Variants in PLXNB2 observed in about 807,000 individuals in gnomAD.
The protein encoded by PLXNB2 is plexin-B2.
In PLXNB2, 85 loss-of-function variants were observed where a neutral mutation model predicts 202.6. The ratio of observed to expected loss-of-function variants is 0.42; its 90% CI spans 0.35 to 0.50. The LOEUF is 0.50. Ranked by LOEUF, PLXNB2 falls within the 20% of genes least tolerant of loss-of-function variation. The pLI, the probability that PLXNB2 is intolerant of heterozygous loss-of-function variation, is 0.02. For synonymous variants in PLXNB2, 1,239 were observed against 1,137.6 expected, an observed-to-expected ratio of 1.09 and a Z score of -1.79; for missense variants, 2,063 against 2,586.2, an observed-to-expected ratio of 0.80 and a Z score of 4.39.
At position 50,290,423 on chromosome 22, in the gene PLXNB2, G is replaced by A. The variant is rs769359214; in HGVS notation, c.162C>T (p.Leu54=). 1.2e-6 allele frequency: 2 copies of A among 1,612,990 alleles called. No individual in the cohort carries two copies. The highest frequency in any genetic ancestry group is 1.7e-6 in the Non-Finnish European group (2 of 1,180,010). ...GCTGCAGCTTCGCATCCAGCTGGTA[G>A]AGGGCATTCACCGCCCCCAGGTACA... The part of the protein sequence containing the change: ...GVVYLGAVNA[L]YQLDAKLQLE... The change falls in exon 3 of 37, where the codon CTC becomes CTT. Residue 54 remains leucine (L), a synonymous_variant. Coordinates refer to ENST00000359337, the MANE Select transcript of PLXNB2 (RefSeq NM_012401.4).
In PLXNB2 at chr22:50,292,591, AC is replaced by A. The variant is rs969757302; in HGVS notation, c.-13-1995del. Among the ~76,000 whole-genome samples the A allele has an allele frequency of 2.5e-4, 38 of 151,298 alleles. 1 individual carries two copies. Among genetic ancestry groups the A allele is most frequent in the Non-Finnish European group, 4.4e-5 (3 of 67,838 alleles). ...ACTGTGTTTCTCCACCCTTTTGACAACCCCCCAAACCCCCTGGCCTCTGTCC... is the reference window on the plus strand; with the variant it reads ...ACTGTGTTTCTCCACCCTTTTGACAACCCCCAAACCCCCTGGCCTCTGTCC... On this transcript the variant is annotated intron_variant, in intron 2 of 36. Transcript: ENST00000359337.
chr22:50,303,763 G>A (rs1385034456), intron 1 of PLXNB2, among the ~76,000 whole-genome samples: 1 of 152,188 alleles, frequency 6.6e-6, no homozygotes, highest in Non-Finnish European at 1.5e-5. Flanking sequence ...CAGGAGCCCA[G>A]TCCCTGCCTC....
intron 1 of PLXNB2, among the ~76,000 whole-genome samples, chr22:50,301,800 C>T (rs569336448): frequency 5.3e-5 from 8 of 152,336 alleles, no homozygotes; most frequent in Non-Finnish European, 7.3e-5. Context: ...AGCCTGTCAG[C>T]GCCTCAGCGG....
intron 1 of PLXNB2, among the ~76,000 whole-genome samples, chr22:50,304,527 G>C (rs923944369): frequency 6.6e-6 from 1 of 152,022 alleles, no homozygotes; most frequent in East Asian, 1.9e-4. Flanking sequence ...CAATCCAGGG[G>C]TATGGGAAGA....
In PLXNB2 at chr22:50,276,698, G is replaced by A. The variant is rs200642960; in HGVS notation, c.5268C>T (p.Tyr1756=). 342 of 1,613,424 alleles carry A rather than the reference G, an allele frequency of 2.1e-4. No homozygotes were observed. In the African/African-American group the frequency reaches 3.4e-3, roughly 16 times the overall value. ...CCTGCACCATCTGCCGGATCCCCTT[G>A]TAGTAACTGCAGGGGTGGGAGCATC... ...STYKKMVEDY[Y]KGIRQMVQVS... Residue 1756 remains tyrosine, a synonymous_variant, in exon 35 of 37, where the codon TAC becomes TAT. Coordinates refer to ENST00000359337, the MANE Select transcript of PLXNB2 (RefSeq NM_012401.4).
chr22:50,277,496 C>T, intron 33 of PLXNB2, 95 bp downstream of exon 33: 1 of 1,299,614 alleles, frequency 7.7e-7, no homozygotes, highest in Non-Finnish European at 1.0e-6. Flanking sequence ...CCAAGATATT[C>T]AAATCCACAC....
rs558614301 is a variant in PLXNB2 at position 50,275,495 on chromosome 22, G to A, written c.*209C>T. On this transcript the variant is annotated 3_prime_UTR_variant, in exon 37 of 37. Transcript: ENST00000359337. ...TGCGGCCGGAGGGAGCTGGGGCTGG[G>A]GCTGGTGCTGGTGCGGTGCCCGGCG... The A allele has an allele frequency of 5.7e-5, 38 of 670,720 alleles. No individual in the cohort carries two copies. The highest frequency in any genetic ancestry group is 5.6e-4 in the South Asian group (37 of 66,056). The allele number at this position is 670,720 out of a possible 1,614,324, so 41.5% of individuals were successfully genotyped here.
intron 1 of PLXNB2, among the ~76,000 whole-genome samples, chr22:50,295,919 T>C (rs1222076100): frequency 6.6e-6 from 1 of 151,964 alleles, no homozygotes; most frequent in Non-Finnish European, 1.5e-5. Context: ...CTGACCAACA[T>C]GGTGAAACCC....
At position 50,284,465 on chromosome 22, in the gene PLXNB2, C is replaced by T. The variant is rs2066270002; in HGVS notation, c.2181+108G>A. 3 of 888,342 alleles carry T rather than the reference C, an allele frequency of 3.4e-6. No individual in the cohort carries two copies. The highest frequency in any genetic ancestry group is 5.3e-6 in the Non-Finnish European group (3 of 561,832). The allele number at this position is 888,342 out of a possible 1,614,324, so 55.0% of individuals were successfully genotyped here. A position where few individuals can be genotyped will look rare whatever the true frequency, so the allele number is the denominator to read the frequency against. ...GGCGAGCCCCTGGCTGGGCTCTGGTCCCTGGGGTCTCCCTGCTGCCCCTCC... is the reference window on the plus strand; with the variant it reads ...GGCGAGCCCCTGGCTGGGCTCTGGTTCCTGGGGTCTCCCTGCTGCCCCTCC... On this transcript the variant is annotated intron_variant, in intron 12 of 36. Coordinates refer to ENST00000359337, the MANE Select transcript of PLXNB2 (RefSeq NM_012401.4). This position sits in a 1 kb window ranked among gnomAD's most constrained non-coding sequence, Gnocchi z 8.0.
At chr22:50,304,175 C>G (rs2067803785) in intron 1 of PLXNB2, among the ~76,000 whole-genome samples, 1 of 152,194 alleles carries the variant, frequency 6.6e-6, no homozygotes, top group Non-Finnish European at 1.5e-5. Flanking sequence ...CCAGGCTCCT[C>G]CCCAGACAGA....
At chr22:50,301,935 G>A (rs1057043103) in intron 1 of PLXNB2, among the ~76,000 whole-genome samples, 1 of 152,264 alleles carries the variant, frequency 6.6e-6, no homozygotes, top group Non-Finnish European at 1.5e-5. Flanking sequence ...ACATGGCTGG[G>A]TGCTGCCGGA....
Position 50,283,397 on chromosome 22 carries a change from GA to G in PLXNB2, c.2618del (p.Val873AlafsTer41). ...EAAETPFTGG[V>X]EVDVFGKLGR... ...CCAGTTTCCCGAAGACGTCCACCTC[GA>G]CACCCCCCGTGAAAGGCGTCTCCGC... is the stretch of plus-strand genomic sequence containing the variant. On this transcript the variant is annotated frameshift_variant, in exon 16 of 37. Coordinates refer to ENST00000359337, the MANE Select transcript of PLXNB2 (RefSeq NM_012401.4). LOFTEE classifies it high-confidence loss of function. 6.2e-7 allele frequency: 1 copy of G among 1,613,158 alleles called. No individual in the cohort carries two copies. The highest frequency in any genetic ancestry group is 8.5e-7 in the Non-Finnish European group (1 of 1,179,920).
Position 50,282,480 on chromosome 22 carries a change from T to C in PLXNB2, c.2988-167A>G. ...CGGTGGGACGTGCTGAGCACGAGAC[T>C]GTGCCGCAAGTGGGCGGGGGGCACA... On this transcript the variant is annotated intron_variant, in intron 18 of 36. Transcript: ENST00000359337. 3 of 766,608 alleles carry C rather than the reference T, an allele frequency of 3.9e-6. No homozygotes were observed. In the South Asian group the frequency reaches 5.6e-5, roughly 14 times the overall value. 47.5% of individuals were successfully genotyped at this position (766,608 alleles called of 1,614,324 possible).
Position 50,284,924 on chromosome 22 carries a change from C to T in PLXNB2, c.2089-259G>A, listed in dbSNP as rs979940940. ...ACCACTCATCCACACCTGAGAACAT[C>T]GCCCGGCCCACCTGACATCGTGGCC... On this transcript the variant is annotated intron_variant, in intron 11 of 36. Transcript: ENST00000359337. This position sits in a 1 kb window ranked among gnomAD's most constrained non-coding sequence, Gnocchi z 8.0. 2.8e-5 allele frequency: 17 copies of T among 609,372 alleles called. No homozygotes were observed. The highest frequency in any genetic ancestry group is 2.2e-4 in the African/African-American group (12 of 54,400). 37.7% of individuals were successfully genotyped at this position (609,372 alleles called of 1,614,324 possible). A position where few individuals can be genotyped will look rare whatever the true frequency, so the allele number is the denominator to read the frequency against.
At chr22:50,283,539 C>G in intron 15 of PLXNB2, 63 bp downstream of exon 15, 1 of 1,486,930 alleles carries the variant, frequency 6.7e-7, no homozygotes. Flanking sequence ...CACCCAGTCA[C>G]CCGGAACCCC....
Position 50,276,824 on chromosome 22 carries a change from G to C in PLXNB2, c.5261+18C>G, listed in dbSNP as rs1318325662. Reference sequence around the variant, plus strand: ...AGGGTGGGCATGGGGGCCTGGCCTGGAGGGCAGGCAGACTTACTCCTCCAC... The same window carrying C: ...AGGGTGGGCATGGGGGCCTGGCCTGCAGGGCAGGCAGACTTACTCCTCCAC... On this transcript the variant is annotated intron_variant, in intron 34 of 36. Coordinates refer to ENST00000359337, the MANE Select transcript of PLXNB2 (RefSeq NM_012401.4). The C allele has an allele frequency of 1.2e-6, 2 of 1,600,312 alleles. No individual in the cohort carries two copies. Among genetic ancestry groups the C allele is most frequent in the Admixed American group, 3.4e-5 (2 of 59,114 alleles).
intron 24 of PLXNB2, 30 bp downstream of exon 24, chr22:50,280,714 G>GCCCAACC: frequency 1.3e-6 from 2 of 1,528,932 alleles, no homozygotes; most frequent in Non-Finnish European, 1.8e-6. Flanking sequence ...CCACCTGTGT[G>GCCCAACC]CCCTCCCGCC....
At position 50,277,671 on chromosome 22, in the gene PLXNB2, C is replaced by T. The variant is rs1433328187; in HGVS notation, c.5116G>A (p.Glu1706Lys). 2.5e-6 allele frequency: 4 copies of T among 1,608,730 alleles called. No homozygotes were observed. Among genetic ancestry groups the T allele is most frequent in the South Asian group, 1.1e-5 (1 of 90,780 alleles). ...ACTGACAGCGAGGCGTCCACCACCT[C>T]GTGGACATGCACGTCAAAGATGAAG... The part of the protein sequence containing the change: ...PHFIFDVHVH[E>K]VVDASLSVIA... The change falls in exon 33 of 37, where the codon GAG becomes AAG. Residue 1706 changes from glutamate to lysine, a missense_variant. Glu to Lys is a moderately conservative substitution (Grantham distance 56). Transcript: ENST00000359337.
In PLXNB2 at chr22:50,290,619, A is replaced by AG. The variant is rs1368969400; in HGVS notation, c.-13-23dup. The AG allele has an allele frequency of 3.2e-6, 5 of 1,541,210 alleles. No homozygotes were observed. The Admixed American group carries it at 9.8e-5, about 30-fold the overall frequency. ...CACCCTGTGGGAAGAGAGAAGGGTC[A>AG]GGGGAGCCCCGACCCAGAGGACCCC... On this transcript the variant is annotated intron_variant, in intron 2 of 36. Coordinates refer to ENST00000359337, the MANE Select transcript of PLXNB2 (RefSeq NM_012401.4).
Sources: allele counts gnomAD v4.1 joint callset (sites outside exome capture counted in the v4.1 genomes callset), GRCh38; gene constraint gnomAD v4.1.1; non-coding constraint Gnocchi (gnomAD v3.1); transcripts MANE v1.5; gene names NCBI Gene and HGNC (gene_info 2026-07-23, HGNC 2026-07-21).